Variants in HRH2 observed in about 807,000 individuals in gnomAD.
HRH2 encodes the protein histamine H2 receptor.
HRH2 carries 4 observed loss-of-function variants against 20.1 expected under a neutral mutation model. The observed-to-expected ratio is 0.20, with a 90% CI of 0.10 to 0.45. The LOEUF is 0.45. HRH2 is among the 20% of genes least tolerant of loss of function. The pLI is 0.99. For missense variants in HRH2, 250 were observed against 461.6 expected (o/e 0.54, Z 4.20); for synonymous variants, 197 against 200.7 (o/e 0.98, Z 0.16).
rs1755981219 is a variant in HRH2 at position 175,681,706 on chromosome 5, A to G, written c.-525-1003A>G. Among the ~76,000 whole-genome samples the G allele has an allele frequency of 6.6e-6, 1 of 152,150 alleles. No individual in the cohort carries two copies. Among genetic ancestry groups the G allele is most frequent in the South Asian group, 2.1e-4 (1 of 4,824 alleles). On this transcript the variant is annotated intron_variant, in intron 1 of 2. Coordinates refer to ENST00000636584, the MANE Select transcript of HRH2 (RefSeq NM_001367711.1). This position sits in a 1 kb window ranked among gnomAD's most constrained non-coding sequence, Gnocchi z 4.3. ...GCAAAGGGAGGAAGGGAGGAAGGAG[A>G]AACCACCCTAATGCCCGTGAGAGGG... is the stretch of plus-strand genomic sequence containing the variant.
At chr5:175,672,881 G>A (rs1008721886) in intron 1 of HRH2, among the ~76,000 whole-genome samples, 8 of 152,198 alleles carry the variant, frequency 5.3e-5, no homozygotes, top group African/African-American at 1.2e-4. Flanking sequence ...GTACTGAGAC[G>A]GGAATGTCCA....
intron 1 of HRH2, among the ~76,000 whole-genome samples, chr5:175,672,935 G>T (rs1581419024): frequency 6.6e-6 from 1 of 151,484 alleles, no homozygotes; most frequent in East Asian, 2.0e-4. Flanking sequence ...AGGAGCAGGT[G>T]TGTAGTATCC....
At chr5:175,698,309 T>C (rs1165373035) in intron 2 of HRH2, among the ~76,000 whole-genome samples, 1 of 152,210 alleles carries the variant, frequency 6.6e-6, no homozygotes, top group Non-Finnish European at 1.5e-5. Context: ...ATCCATTTAG[T>C]CTGCCCCACA....
chr5:175,671,702 G>A (rs914943644), intron 1 of HRH2, among the ~76,000 whole-genome samples: 6 of 152,270 alleles, frequency 3.9e-5, no homozygotes, highest in Non-Finnish European at 5.9e-5. Flanking sequence ...TTGAACATCC[G>A]CAAATGTAAC....
At chr5:175,665,502 C>T (rs1463327022) in intron 1 of HRH2, among the ~76,000 whole-genome samples, 4 of 152,146 alleles carry the variant, frequency 2.6e-5, no homozygotes, top group Non-Finnish European at 5.9e-5. Context: ...GGAGGGGCAT[C>T]CCTGCTTGGC....
At chr5:175,684,929 G>A (rs1756116796) in intron 2 of HRH2, among the ~76,000 whole-genome samples, 1 of 152,164 alleles carries the variant, frequency 6.6e-6, no homozygotes. Context: ...TAGAAGCAAG[G>A]GAAAGGGTAA....
chr5:175,683,129 T>C lies in HRH2; in HGVS notation c.-105T>C. The stretch of plus-strand genomic sequence containing the variant: ...AAAAAAAAACTGGACACATTTTGGA[T>C]CTGTTGGGAGCTTGGAGTCCAGTGG... On this transcript the variant is annotated 5_prime_UTR_variant, in exon 2 of 3. Coordinates refer to ENST00000636584, the MANE Select transcript of HRH2 (RefSeq NM_001367711.1). 8.2e-7 allele frequency: 1 copy of C among 1,215,794 alleles called. No homozygotes were observed. Among genetic ancestry groups the C allele is most frequent in the Non-Finnish European group, 1.1e-6 (1 of 884,868 alleles). 75.3% of individuals were successfully genotyped at this position (1,215,794 alleles called of 1,614,324 possible). A position where few individuals can be genotyped will look rare whatever the true frequency, so the allele number is the denominator to read the frequency against.
At chr5:175,669,570 G>A (rs769656183) in intron 1 of HRH2, among the ~76,000 whole-genome samples, 11 of 151,882 alleles carry the variant, frequency 7.2e-5, no homozygotes, top group Non-Finnish European at 1.6e-4. Flanking sequence ...CACTATGTTG[G>A]CCAGGCTGGT....
At chr5:175,702,093 G>A (rs1034796497) in intron 2 of HRH2, among the ~76,000 whole-genome samples, 2 of 152,128 alleles carry the variant, frequency 1.3e-5, no homozygotes, top group Non-Finnish European at 2.9e-5. Context: ...TGCACGGCAT[G>A]GGGGGCAAGT....
chr5:175,698,400 G>A (rs1029848098), intron 2 of HRH2, among the ~76,000 whole-genome samples: 13 of 152,192 alleles, frequency 8.5e-5, no homozygotes, highest in Non-Finnish European at 1.8e-4. Context: ...TTGCTACTGT[G>A]TGACCTGGGG....
intron 2 of HRH2, chr5:175,685,305 G>A (rs1276546828): frequency 9.2e-7 from 1 of 1,085,634 alleles, no homozygotes. Flanking sequence ...CAGCTTACTG[G>A]TCTGGGCTTT....
chr5:175,709,259 C>T lies in HRH2; in HGVS notation c.*1288C>T, dbSNP rs1346432674. 6.6e-6 allele frequency: 1 copy of T among 152,334 alleles called. No homozygotes were observed. Among genetic ancestry groups the T allele is most frequent in the Non-Finnish European group, 1.5e-5 (1 of 68,158 alleles). The allele number at this position is 152,334 out of a possible 1,614,324, so 9.4% of individuals were successfully genotyped here. ...TGTCCCTTTTGCAACTCATTGTCCT[C>T]TACCTGCCATCAGATGTGGCTGTTC... On this transcript the variant is annotated 3_prime_UTR_variant, in exon 3 of 3. Coordinates refer to ENST00000636584, the MANE Select transcript of HRH2 (RefSeq NM_001367711.1).
rs891693388 is a variant in HRH2 at position 175,664,454 on chromosome 5, G to C, written c.-526+6299G>C. On this transcript the variant is annotated intron_variant, in intron 1 of 2. Coordinates refer to ENST00000636584, the MANE Select transcript of HRH2 (RefSeq NM_001367711.1). ...AGACACAGAGCGTCTGGGTATTCCAGATGTAGAAAGGGCGTGCACAAGGAA... is the reference window on the plus strand; with the variant it reads ...AGACACAGAGCGTCTGGGTATTCCACATGTAGAAAGGGCGTGCACAAGGAA... Among the ~76,000 whole-genome samples, 3 of 152,276 alleles carry C rather than the reference G, an allele frequency of 2.0e-5. No individual in the cohort carries two copies. In the South Asian group the frequency reaches 6.2e-4, roughly 32 times the overall value.
chr5:175,684,459 C>G, intron 2 of HRH2, 150 bp downstream of exon 2: 4 of 1,110,042 alleles, frequency 3.6e-6, no homozygotes, highest in Non-Finnish European at 5.1e-6. Context: ...CTTGCTTAAT[C>G]CTCCCAACGG....
At chr5:175,703,638 T>C (rs1404405785) in intron 2 of HRH2, among the ~76,000 whole-genome samples, 1 of 152,136 alleles carries the variant, frequency 6.6e-6, no homozygotes, top group African/African-American at 2.4e-5. Context: ...CAAACTTTAG[T>C]ACTTTAAAGA....
chr5:175,695,694 C>T (rs963282443), intron 2 of HRH2, among the ~76,000 whole-genome samples: 3 of 152,220 alleles, frequency 2.0e-5, no homozygotes, highest in African/African-American at 7.2e-5. Flanking sequence ...GTTCCTCGAA[C>T]CCACATCAGC....
intron 2 of HRH2, among the ~76,000 whole-genome samples, chr5:175,703,511 G>A (rs1188580527): frequency 1.3e-5 from 2 of 152,020 alleles, no homozygotes; most frequent in East Asian, 1.9e-4. Context: ...AATTTAGGAA[G>A]TTAAAAAGAA....
chr5:175,699,944 T>G (rs1756743656), intron 2 of HRH2, among the ~76,000 whole-genome samples: 1 of 152,204 alleles, frequency 6.6e-6, no homozygotes, highest in East Asian at 1.9e-4. Context: ...TTTCAAAACA[T>G]TCCACTTCTC....
At chr5:175,688,357 CCT>C (rs1343881365) in intron 2 of HRH2, among the ~76,000 whole-genome samples, 2 of 152,212 alleles carry the variant, frequency 1.3e-5, no homozygotes, top group Admixed American at 6.5e-5. Context: ...GTCCCTGCCC[CCT>C]GTCCTGCTGC....
Sources: allele counts gnomAD v4.1 joint callset (sites outside exome capture counted in the v4.1 genomes callset), GRCh38; gene constraint gnomAD v4.1.1; non-coding constraint Gnocchi (gnomAD v3.1); transcripts MANE v1.5; gene names NCBI Gene and HGNC (gene_info 2026-07-23, HGNC 2026-07-21).